The following SPAG16 variants were observed in gnomAD, a reference collection of about 807,000 sequenced individuals.
The protein encoded by SPAG16 is sperm associated antigen 16, also known as sperm-associated antigen 16 protein.
Under a neutral mutation model 80.4 loss-of-function variants are expected in SPAG16, and 86 were observed. That is an observed-to-expected ratio of 1.07 (90% confidence interval 0.90 to 1.28). SPAG16 has a LOEUF of 1.28. SPAG16 is among the 50% of genes most tolerant of loss of function. The probability of loss-of-function intolerance (pLI) is 0.00; values close to 1 mark genes in which losing one functional copy is unlikely to be tolerated. For synonymous variants in SPAG16, 294 were observed against 265.9 expected, an observed-to-expected ratio of 1.11 and a Z score of -1.03; for missense variants, 870 against 765.3, an observed-to-expected ratio of 1.14 and a Z score of -1.61.
intron 11 of SPAG16, among the ~76,000 whole-genome samples, chr2:213,866,226 A>C (rs2075675490): frequency 6.6e-6 from 1 of 152,038 alleles, no homozygotes; most frequent in Non-Finnish European, 1.5e-5. Flanking sequence ...GAAATTCATT[A>C]CTGGTTTTAA....
chr2:214,102,688 C>A (rs1209043894), intron 13 of SPAG16, among the ~76,000 whole-genome samples: 1 of 152,080 alleles, frequency 6.6e-6, no homozygotes, highest in Non-Finnish European at 1.5e-5. Context: ...CCCTGATTTA[C>A]CGACGGCAAA....
chr2:214,041,542 G>C (rs1280329561), intron 13 of SPAG16, among the ~76,000 whole-genome samples: 9 of 151,052 alleles, frequency 6.0e-5, no homozygotes, highest in Non-Finnish European at 1.3e-4. Flanking sequence ...TTTTTTTTAG[G>C]GGAAGATTTT....
At chr2:213,793,359 G>A (rs1026464363) in intron 10 of SPAG16, among the ~76,000 whole-genome samples, 4 of 151,860 alleles carry the variant, frequency 2.6e-5, no homozygotes, top group South Asian at 4.2e-4. Flanking sequence ...TCCTGTACCC[G>A]TCAGCTACCA....
rs2077471074 is a variant in SPAG16, at chr2:213,907,321, A to G, written c.1215-22639A>G. Among the ~76,000 whole-genome samples, 3 of 152,198 alleles carry G rather than the reference A, an allele frequency of 2.0e-5. No individual in the cohort carries two copies. The South Asian group carries it at 6.2e-4, about 31-fold the overall frequency. ...CCTCAGGGAAATGCAAATCAAAACT[A>G]CAAAGAGATATTGTCTCACCCTAGT... On this transcript the variant is annotated intron_variant, in intron 11 of 15. Coordinates refer to ENST00000331683, the MANE Select transcript of SPAG16 (RefSeq NM_024532.5).
chr2:213,860,486 T>TAGATAC (rs2075406660), intron 10 of SPAG16, among the ~76,000 whole-genome samples: 2 of 140,668 alleles, frequency 1.4e-5, no homozygotes, highest in African/African-American at 2.7e-5. Context: ...TATATATATA[T>TAGATAC]ACACACATAT....
At chr2:213,630,551 A>G (rs1380283007) in intron 10 of SPAG16, among the ~76,000 whole-genome samples, 3 of 152,160 alleles carry the variant, frequency 2.0e-5, no homozygotes, top group African/African-American at 7.2e-5. Context: ...ACACAGTTCA[A>G]AAAAAGTAAT....
chr2:214,067,050 C>T (rs1372425818), intron 13 of SPAG16, among the ~76,000 whole-genome samples: 2 of 152,146 alleles, frequency 1.3e-5, no homozygotes, highest in East Asian at 3.9e-4. Context: ...TGAAGTCTTG[C>T]AGTGCAGGAA....
At chr2:213,993,461 C>T (rs1397914424) in intron 12 of SPAG16, among the ~76,000 whole-genome samples, 1 of 152,082 alleles carries the variant, frequency 6.6e-6, no homozygotes, top group African/African-American at 2.4e-5. Flanking sequence ...CAAGTAAACC[C>T]CCTAAGGCAT....
intron 15 of SPAG16, among the ~76,000 whole-genome samples, chr2:214,254,910 G>GTAAAA (rs1248845352): frequency 6.6e-6 from 1 of 151,744 alleles, no homozygotes; most frequent in Admixed American, 6.6e-5. Flanking sequence ...AAGACCAAAA[G>GTAAAA]TAAAATAAAA....
At chr2:214,264,756 CCT>C (rs1691430113) in intron 15 of SPAG16, among the ~76,000 whole-genome samples, 2 of 152,074 alleles carry the variant, frequency 1.3e-5, no homozygotes, top group East Asian at 1.9e-4. Context: ...CTAAAATTCC[CCT>C]GTGTGCCACC....
intron 12 of SPAG16, among the ~76,000 whole-genome samples, chr2:214,013,478 C>G (rs977920752): frequency 2.4e-4 from 37 of 152,166 alleles, no homozygotes; most frequent in Admixed American, 2.2e-3. Context: ...TGACCAGTCT[C>G]TCCCTATTCT....
At chr2:214,201,419 T>C (rs1453976587) in intron 15 of SPAG16, among the ~76,000 whole-genome samples, 1 of 152,218 alleles carries the variant, frequency 6.6e-6, no homozygotes, top group Non-Finnish European at 1.5e-5. Flanking sequence ...TAAGCTTTCA[T>C]ATGAATGAAT....
At chr2:213,690,492 T>G (rs780865162) in intron 10 of SPAG16, among the ~76,000 whole-genome samples, 12 of 152,206 alleles carry the variant, frequency 7.9e-5, no homozygotes, top group Non-Finnish European at 1.8e-4. Context: ...AGGTGTCAAC[T>G]TGACTGGATT....
At chr2:213,296,190 C>T in intron 2 of SPAG16, 80 bp downstream of exon 2, 1 of 1,027,904 alleles carries the variant, frequency 9.7e-7, no homozygotes, top group Non-Finnish European at 1.5e-6. Context: ...TTTTCTGAAA[C>T]ATGTAAGAAC....
chr2:214,215,653 A>G (rs2058413273), intron 15 of SPAG16, among the ~76,000 whole-genome samples: 1 of 152,190 alleles, frequency 6.6e-6, no homozygotes, highest in African/African-American at 2.4e-5. Context: ...TTGTCAAGCA[A>G]CAAGTGTTCT....
chr2:213,634,411 T>G (rs924658265), intron 10 of SPAG16, among the ~76,000 whole-genome samples: 13 of 152,302 alleles, frequency 8.5e-5, no homozygotes, highest in African/African-American at 2.6e-4. Context: ...TATTTTTTAT[T>G]GGTTCATTGT....
intron 11 of SPAG16, among the ~76,000 whole-genome samples, chr2:213,900,422 G>A (rs10498014): frequency 0.2 from 29,881 of 152,094 alleles, 3,380 homozygotes; most frequent in South Asian, 0.32. Flanking sequence ...CAAAAACTAA[G>A]TGCAAGGTTG....
intron 10 of SPAG16, among the ~76,000 whole-genome samples, chr2:213,544,459 C>T (rs1346078446): frequency 6.6e-6 from 1 of 152,040 alleles, no homozygotes; most frequent in Non-Finnish European, 1.5e-5. Context: ...TAGCCTCCTT[C>T]TTATCAACAT....
chr2:213,623,956 TAATA>T (rs886777817), intron 10 of SPAG16, among the ~76,000 whole-genome samples: 3 of 152,012 alleles, frequency 2.0e-5, no homozygotes, highest in Admixed American at 1.3e-4. Context: ...TTTAACAATG[TAATA>T]AATTAATTAA....
Sources: gnomAD v4.1 joint callset for allele counts (sites outside exome capture counted in the v4.1 genomes callset) on GRCh38, gnomAD v4.1.1 for gene constraint, MANE v1.5 for transcripts, NCBI Gene and HGNC (gene_info 2026-07-23, HGNC 2026-07-21) for gene names.